Variants in PYGO1 observed in about 807,000 individuals in gnomAD.
PYGO1 encodes pygopus family PHD finger 1.
PYGO1 carries 6 observed loss-of-function variants against 29.5 expected under a neutral mutation model. That is an observed-to-expected ratio of 0.20 (90% CI 0.11 to 0.40). PYGO1 has a LOEUF of 0.40. Ranked by LOEUF, PYGO1 falls within the 10% of genes least tolerant of loss-of-function variation. PYGO1 has a pLI of 1.00. For synonymous variants in PYGO1, 186 were observed against 180.5 expected, an observed-to-expected ratio of 1.03 and a Z score of -0.24; for missense variants, 515 against 514.9, an observed-to-expected ratio of 1.00 and a Z score of 0.00.
At chr15:55,585,424 G>A (rs79458636) in intron 1 of PYGO1, among the ~76,000 whole-genome samples, 3,475 of 152,202 alleles carry the variant, frequency 0.023, 118 homozygotes, top group East Asian at 0.16. Flanking sequence ...ATAACAAAAA[G>A]CTCCAGGGCA....
chr15:55,587,376 G>T (rs493480), intron 1 of PYGO1, among the ~76,000 whole-genome samples: 8 of 150,142 alleles, frequency 5.3e-5, no homozygotes, highest in African/African-American at 2.0e-4. Context: ...TTGCCGGGGT[G>T]GGGGGGCGAG....
Position 55,588,189 on chromosome 15 carries a change from C to T in PYGO1, c.-306G>A. The stretch of plus-strand genomic sequence containing the variant: ...GCATGTGCTGAGGGCGAGTGCGCCG[C>T]CGCCGCCGCCGCCTCCTCCCACTCC... On this transcript the variant is annotated 5_prime_UTR_variant, in exon 1 of 3. Transcript: ENST00000563719. The T allele has an allele frequency of 1.2e-5, 3 of 260,456 alleles. No homozygotes were observed. The highest frequency in any genetic ancestry group is 1.8e-5 in the Non-Finnish European group (3 of 169,036). 16.1% of individuals were successfully genotyped at this position (260,456 alleles called of 1,614,324 possible). A position where few individuals can be genotyped will look rare whatever the true frequency, so the allele number is the denominator to read the frequency against.
chr15:55,564,485 G>C (rs2058946745), intron 1 of PYGO1, among the ~76,000 whole-genome samples: 1 of 152,172 alleles, frequency 6.6e-6, no homozygotes, highest in Admixed American at 6.5e-5. Context: ...AGAAAGTAGA[G>C]GGTAAAGTCC....
intron 1 of PYGO1, among the ~76,000 whole-genome samples, chr15:55,567,319 T>A (rs1027941984): frequency 4.8e-5 from 7 of 146,278 alleles, no homozygotes; most frequent in African/African-American, 1.8e-4. Context: ...GAGATTCTCC[T>A]ACCTCAGCTG....
At chr15:55,570,312 GC>G (rs2058975015) in intron 1 of PYGO1, among the ~76,000 whole-genome samples, 1 of 152,080 alleles carries the variant, frequency 6.6e-6, no homozygotes, top group Admixed American at 6.5e-5. Flanking sequence ...CATGCCAAAA[GC>G]CTCTAATCTG....
chr15:55,555,663 T>A (rs922131855), intron 1 of PYGO1, among the ~76,000 whole-genome samples: 2 of 151,672 alleles, frequency 1.3e-5, no homozygotes, highest in Non-Finnish European at 2.9e-5. Context: ...CCCTAAAACT[T>A]AAAGTATAAT....
chr15:55,571,830 C>T (rs956670834), intron 1 of PYGO1, among the ~76,000 whole-genome samples: 3 of 152,044 alleles, frequency 2.0e-5, no homozygotes, highest in East Asian at 1.9e-4. Context: ...GCTATTTTTT[C>T]GTAATATGGC....
chr15:55,565,739 CAAAAAG>C (rs2058953510), intron 1 of PYGO1, among the ~76,000 whole-genome samples: 1 of 151,982 alleles, frequency 6.6e-6, no homozygotes, highest in East Asian at 1.9e-4. Context: ...AAAACAAAAA[CAAAAAG>C]AAACATATTT....
Position 55,546,233 on chromosome 15 carries a change from C to A in PYGO1, c.1050G>T (p.Val350=), listed in dbSNP as rs1490147786. The change falls in exon 3 of 3, where the codon GTG becomes GTT. Residue 350 remains valine (V), a synonymous_variant. Coordinates refer to ENST00000563719, the MANE Select transcript of PYGO1 (RefSeq NM_001367806.1). ...ATAAGATGGCATCCTGATCATCGTT[C>A]ACCTCGTTTGTACAAATTCCACAAG... ...VYPCGICTNE[V]NDDQDAILCE... 2.5e-6 allele frequency: 4 copies of A among 1,614,202 alleles called. No homozygotes were observed. Among genetic ancestry groups the A allele is most frequent in the Non-Finnish European group, 3.4e-6 (4 of 1,180,022 alleles).
chr15:55,556,524 A>C (rs747558238), intron 1 of PYGO1, among the ~76,000 whole-genome samples: 2 of 152,174 alleles, frequency 1.3e-5, no homozygotes, highest in Admixed American at 1.3e-4. Context: ...TTATAGCACT[A>C]AATGCCCACA....
At chr15:55,552,863 G>C (rs1217227484) in intron 1 of PYGO1, among the ~76,000 whole-genome samples, 1 of 152,166 alleles carries the variant, frequency 6.6e-6, no homozygotes, top group African/African-American at 2.4e-5. Flanking sequence ...TCCCTAGGAA[G>C]GGTGCTGAAT....
At position 55,541,405 on chromosome 15, in the gene PYGO1, C is replaced by T. The variant is rs191151956; in HGVS notation, c.*4618G>A. 119 of 152,252 alleles carry T rather than the reference C, an allele frequency of 7.8e-4. 2 individuals are homozygous for T. The highest frequency in any genetic ancestry group is 2.8e-3 in the African/African-American group (118 of 41,548). The allele number at this position is 152,252 out of a possible 1,614,324, so 9.4% of individuals were successfully genotyped here. A position where few individuals can be genotyped will look rare whatever the true frequency, so the allele number is the denominator to read the frequency against. On this transcript the variant is annotated 3_prime_UTR_variant, in exon 3 of 3. Coordinates refer to ENST00000563719, the MANE Select transcript of PYGO1 (RefSeq NM_001367806.1). ...GAGGAGAGGAAGCTGTGAAAAGTCA[C>T]AACAGCCTAAAGGAAACTGGAAGTA...
At chr15:55,563,364 T>C (rs1005463966) in intron 1 of PYGO1, among the ~76,000 whole-genome samples, 14 of 135,554 alleles carry the variant, frequency 1.0e-4, no homozygotes, top group African/African-American at 3.2e-4. Flanking sequence ...CATGAATAAA[T>C]TCTTTTTTTT....
intron 1 of PYGO1, among the ~76,000 whole-genome samples, chr15:55,567,525 GCA>G (rs1172542224): frequency 6.6e-6 from 1 of 152,038 alleles, no homozygotes; most frequent in African/African-American, 2.4e-5. Context: ...TTTGTCAGAT[GCA>G]CAGTTTGTGA....
intron 1 of PYGO1, among the ~76,000 whole-genome samples, chr15:55,553,679 G>C (rs1471751011): frequency 1.3e-5 from 2 of 152,112 alleles, no homozygotes; most frequent in African/African-American, 2.4e-5. Context: ...CCAAAGTGCT[G>C]GGATTACAGG....
intron 1 of PYGO1, among the ~76,000 whole-genome samples, chr15:55,581,079 G>A (rs1157723104): frequency 6.6e-6 from 1 of 152,152 alleles, no homozygotes; most frequent in Non-Finnish European, 1.5e-5. Context: ...AAACTCTTAA[G>A]TTTAATGTGA....
At chr15:55,573,867 G>A (rs4774791) in intron 1 of PYGO1, among the ~76,000 whole-genome samples, 129,693 of 152,204 alleles carry the variant, frequency 0.85, 55,628 homozygotes, top group Admixed American at 0.91. Flanking sequence ...AGATATAATT[G>A]AGAAATCATA....
At chr15:55,552,746 A>T (rs1442962400) in intron 1 of PYGO1, among the ~76,000 whole-genome samples, 1 of 152,166 alleles carries the variant, frequency 6.6e-6, no homozygotes, top group Non-Finnish European at 1.5e-5. Context: ...TCAGTAGAGC[A>T]GCCACTCAGG....
chr15:55,542,043 A>G lies in PYGO1; in HGVS notation c.*3980T>C, dbSNP rs1370969109. 2 of 152,198 alleles carry G rather than the reference A, an allele frequency of 1.3e-5. No homozygotes were observed. The highest frequency in any genetic ancestry group is 2.9e-5 in the Non-Finnish European group (2 of 68,024). The allele number at this position is 152,198 out of a possible 1,614,324, so 9.4% of individuals were successfully genotyped here. A position where few individuals can be genotyped will look rare whatever the true frequency, so the allele number is the denominator to read the frequency against. On this transcript the variant is annotated 3_prime_UTR_variant, in exon 3 of 3. Coordinates refer to ENST00000563719, the MANE Select transcript of PYGO1 (RefSeq NM_001367806.1). ...AAGATATAAAACAGCACAAATGTCC[A>G]TGCATAAGAAACCTCTATACACGGC...
Sources: gnomAD v4.1 joint callset for allele counts (sites outside exome capture counted in the v4.1 genomes callset) on GRCh38, gnomAD v4.1.1 for gene constraint, MANE v1.5 for transcripts, NCBI Gene and HGNC (gene_info 2026-07-23, HGNC 2026-07-21) for gene names.